Variants in FAR1 observed in about 807,000 individuals in gnomAD.
FAR1 encodes the protein male sterility domain-containing protein 2.
In FAR1, 22 loss-of-function variants were observed where a neutral mutation model predicts 61.1. The ratio of observed to expected loss-of-function variants is 0.36; its 90% CI spans 0.26 to 0.51. The LOEUF is 0.51. Ranked by LOEUF, FAR1 falls within the 20% of genes least tolerant of loss-of-function variation. FAR1 has a pLI of 0.95. For missense variants in FAR1, 359 were observed against 626.9 expected, an observed-to-expected ratio of 0.57 and a Z score of 4.56; for synonymous variants, 206 against 209.7, an observed-to-expected ratio of 0.98 and a Z score of 0.15.
At chr11:13,707,035 G>T (rs916413018) in intron 3 of FAR1, among the ~76,000 whole-genome samples, 1 of 151,906 alleles carries the variant, frequency 6.6e-6, no homozygotes, top group African/African-American at 2.4e-5. Flanking sequence ...TATTCTTTTG[G>T]TATTATTCAT....
At chr11:13,693,515 G>A (rs1416583103) in intron 1 of FAR1, among the ~76,000 whole-genome samples, 2 of 152,146 alleles carry the variant, frequency 1.3e-5, no homozygotes, top group African/African-American at 4.8e-5. Flanking sequence ...ACTAAGCCTG[G>A]GAGCCAAAGT....
rs1848735335 is a variant in FAR1 at position 13,732,193 on chromosome 11, G to A, written c.*3419G>A. On this transcript the variant is annotated 3_prime_UTR_variant, in exon 12 of 12. Transcript: ENST00000354817. ...TGTCTTGAAGCATTTTCTAGTGATA[G>A]AATGTATTTGTCTTTTTTCCTGGTG... 1 of 152,002 alleles carries A rather than the reference G, an allele frequency of 6.6e-6. No individual in the cohort carries two copies. The highest frequency in any genetic ancestry group is 2.4e-5 in the African/African-American group (1 of 41,382). The allele number at this position is 152,002 out of a possible 1,614,324, so 9.4% of individuals were successfully genotyped here. A position where few individuals can be genotyped will look rare whatever the true frequency, so the allele number is the denominator to read the frequency against.
chr11:13,673,980 T>G (rs1848038042), intron 1 of FAR1, among the ~76,000 whole-genome samples: 1 of 152,168 alleles, frequency 6.6e-6, no homozygotes, highest in Admixed American at 6.5e-5. Context: ...CTTTCATTAG[T>G]TAACATTACA....
In FAR1 at chr11:13,728,666, C is replaced by T. The variant is rs567066123; in HGVS notation, c.1440C>T (p.Arg480=). ...FNTILVILIW[R]IFIARSQMAR... ...CTATCCTTGTGATCCTCATCTGGCGCATTTTTATTGCAAGATCACAAATGG... is the reference window on the plus strand; with the variant it reads ...CTATCCTTGTGATCCTCATCTGGCGTATTTTTATTGCAAGATCACAAATGG... The change falls in exon 12 of 12, where the codon CGC becomes CGT. Residue 480 remains arginine, a synonymous_variant. Transcript: ENST00000354817. The T allele has an allele frequency of 4.2e-5, 68 of 1,612,448 alleles. No homozygotes were observed. The Admixed American group carries it at 8.7e-4, about 21-fold the overall frequency.
Position 13,729,757 on chromosome 11 carries a change from C to T in FAR1, c.*983C>T, listed in dbSNP as rs1848704075. 1 of 151,916 alleles carries T rather than the reference C, an allele frequency of 6.6e-6. No homozygotes were observed. The highest frequency in any genetic ancestry group is 2.4e-5 in the African/African-American group (1 of 41,410). The allele number at this position is 151,916 out of a possible 1,614,324, so 9.4% of individuals were successfully genotyped here. A position where few individuals can be genotyped will look rare whatever the true frequency, so the allele number is the denominator to read the frequency against. On this transcript the variant is annotated 3_prime_UTR_variant, in exon 12 of 12. Coordinates refer to ENST00000354817, the MANE Select transcript of FAR1 (RefSeq NM_032228.6). ...GCATTATTATGGAAGAATGTATTTG[C>T]AGGTAGTAATAGCATTAAAAAATAT... is the stretch of plus-strand genomic sequence containing the variant.
At chr11:13,702,358 GGT>G (rs1848386362) in intron 3 of FAR1, among the ~76,000 whole-genome samples, 1 of 151,972 alleles carries the variant, frequency 6.6e-6, no homozygotes, top group African/African-American at 2.4e-5. Flanking sequence ...TTCAAATAAA[GGT>G]GTATACAAAT....
chr11:13,724,737 G>A (rs1414484350), intron 10 of FAR1, among the ~76,000 whole-genome samples: 1 of 151,964 alleles, frequency 6.6e-6, no homozygotes, highest in African/African-American at 2.4e-5. Context: ...ATTATTTAAA[G>A]GATATTACTT....
intron 2 of FAR1, among the ~76,000 whole-genome samples, chr11:13,697,918 A>G (rs1230042573): frequency 1.3e-5 from 2 of 152,096 alleles, no homozygotes; most frequent in African/African-American, 2.4e-5. Context: ...TTTATGTGAG[A>G]TGAATGGATG....
chr11:13,716,892 T>G (rs981171872), intron 9 of FAR1, among the ~76,000 whole-genome samples: 5 of 151,826 alleles, frequency 3.3e-5, no homozygotes, highest in Non-Finnish European at 5.9e-5. Flanking sequence ...GCTGCACCCA[T>G]TAACTTGTCA....
At chr11:13,682,174 G>A (rs1419243610) in intron 1 of FAR1, among the ~76,000 whole-genome samples, 2 of 152,132 alleles carry the variant, frequency 1.3e-5, no homozygotes, top group Admixed American at 6.5e-5. Flanking sequence ...GTGTTGTTTT[G>A]TTCATGAAGA....
intron 1 of FAR1, among the ~76,000 whole-genome samples, chr11:13,686,906 T>A (rs931520060): frequency 2.0e-5 from 3 of 152,222 alleles, no homozygotes; most frequent in African/African-American, 7.2e-5. Context: ...TTCTCTGTGA[T>A]TCTCCATTTG....
chr11:13,703,992 C>T (rs566987051), intron 3 of FAR1, among the ~76,000 whole-genome samples: 3 of 142,160 alleles, frequency 2.1e-5, no homozygotes, highest in Non-Finnish European at 3.0e-5. Flanking sequence ...TGCAGTGAGC[C>T]AAGATCATGC....
At chr11:13,705,232 G>A (rs1848419551) in intron 3 of FAR1, among the ~76,000 whole-genome samples, 2 of 151,954 alleles carry the variant, frequency 1.3e-5, no homozygotes, top group Non-Finnish European at 2.9e-5. Flanking sequence ...CATTATTTTT[G>A]TTTAGTACTA....
intron 1 of FAR1, among the ~76,000 whole-genome samples, chr11:13,682,525 A>G (rs1565339626): frequency 6.6e-6 from 1 of 152,192 alleles, no homozygotes. Flanking sequence ...AAAGTGGAAA[A>G]TACTTGTTAC....
In FAR1 at chr11:13,716,954, A is replaced by T. The variant is rs946205075; in HGVS notation, c.1127+2274A>T. ...TATCCCTCCCCCCTCCCCCCACCCC[A>T]CGACAGGCCCCCAGTGTGTGATATT... On this transcript the variant is annotated intron_variant, in intron 9 of 11. Transcript: ENST00000354817. 8.5e-4 allele frequency among the ~76,000 whole-genome samples: 62 copies of T among 72,654 alleles called. 1 individual carries two copies. Among genetic ancestry groups the T allele is most frequent in the Non-Finnish European group, 2.3e-4 (9 of 39,830 alleles). 47.7% of individuals were successfully genotyped at this position (72,654 alleles called of 152,430 possible).
intron 1 of FAR1, among the ~76,000 whole-genome samples, chr11:13,693,841 A>G (rs1480461937): frequency 6.6e-6 from 1 of 152,050 alleles, no homozygotes; most frequent in Non-Finnish European, 1.5e-5. Flanking sequence ...TATTTTTTCC[A>G]GGTTGTTATG....
intron 1 of FAR1, among the ~76,000 whole-genome samples, chr11:13,693,626 G>C (rs960221248): frequency 1.3e-5 from 2 of 152,138 alleles, no homozygotes; most frequent in Non-Finnish European, 2.9e-5. Context: ...TTTGGATCCT[G>C]ACCTTGATGT....
intron 9 of FAR1, among the ~76,000 whole-genome samples, chr11:13,715,427 C>G (rs1350355884): frequency 6.6e-6 from 1 of 152,094 alleles, no homozygotes; most frequent in Non-Finnish European, 1.5e-5. Context: ...CCCTTCTCTC[C>G]CTCTTAAAAA....
chr11:13,693,056 T>C (rs1848267634), intron 1 of FAR1, among the ~76,000 whole-genome samples: 1 of 152,144 alleles, frequency 6.6e-6, no homozygotes, highest in Non-Finnish European at 1.5e-5. Flanking sequence ...TTTCCACAGA[T>C]GGTATGATTG....
Sources: gnomAD v4.1 joint callset for allele counts (sites outside exome capture counted in the v4.1 genomes callset) on GRCh38, gnomAD v4.1.1 for gene constraint, MANE v1.5 for transcripts, NCBI Gene and HGNC (gene_info 2026-07-23, HGNC 2026-07-21) for gene names.